PREX1: variants seen among roughly 807,000 people sequenced by gnomAD.
PREX1 encodes the protein phosphatidylinositol-3,4,5-trisphosphate dependent Rac exchange factor 1.
A neutral mutation model predicts 198.3 loss-of-function variants in PREX1; 41 were observed. The ratio of observed to expected loss-of-function variants is 0.21; its 90% CI spans 0.16 to 0.27. PREX1 has a LOEUF of 0.27. PREX1 is among the 10% of genes least tolerant of loss of function. The pLI is 1.00. For synonymous variants in PREX1, 843 were observed against 887.2 expected (o/e 0.95, Z 0.89); for missense variants, 1,620 against 2,200.7 (o/e 0.74, Z 5.28).
rs1361909251 is a variant in PREX1 at position 48,658,174 on chromosome 20, C to T, written c.1936G>A (p.Val646Met). 1 of 1,614,224 alleles carries T rather than the reference C, an allele frequency of 6.2e-7. No individual in the cohort carries two copies. Among genetic ancestry groups the T allele is most frequent in the Non-Finnish European group, 8.5e-7 (1 of 1,180,020 alleles). ...CCCCTCTGGACGGACTTCACCACCACAGCCTTGTTCTTCTCCTCGATGTCA... is the reference window on the plus strand; with the variant it reads ...CCCCTCTGGACGGACTTCACCACCATAGCCTTGTTCTTCTCCTCGATGTCA... The part of the protein sequence containing the change: ...GFDIEEKNKA[V>M]VVKSVQRGSL... Residue 646 changes from valine to methionine, a missense_variant, in exon 17 of 40, where the codon GTG becomes ATG. Coordinates refer to ENST00000371941, the MANE Select transcript of PREX1 (RefSeq NM_020820.4).
At chr20:48,822,372 G>A (rs1057366278) in intron 1 of PREX1, among the ~76,000 whole-genome samples, 17 of 152,202 alleles carry the variant, frequency 1.1e-4, no homozygotes, top group African/African-American at 3.9e-4. Flanking sequence ...CCATGCAGCC[G>A]CATTACCTGG....
chr20:48,759,415 T>C (rs529531410), intron 1 of PREX1, among the ~76,000 whole-genome samples: 1 of 151,906 alleles, frequency 6.6e-6, no homozygotes, highest in African/African-American at 2.4e-5. Flanking sequence ...CCAGCCATGG[T>C]GGCTCACATC....
At chr20:48,766,481 C>T (rs1051714746) in intron 1 of PREX1, among the ~76,000 whole-genome samples, 1 of 152,210 alleles carries the variant, frequency 6.6e-6, no homozygotes, top group Non-Finnish European at 1.5e-5. Flanking sequence ...GCAGCCAGAC[C>T]GGCCTCCAGG....
chr20:48,637,715 G>C lies in PREX1; in HGVS notation c.3942C>G (p.Cys1314Trp), dbSNP rs769138464. Reference protein sequence around the residue: ...KNQLLLALLKCTDTELQLRRD... With the variant: ...KNQLLLALLKWTDTELQLRRD... ...ACACACCTTTAAAGGCCTCACCTGT[G>C]CACTTCAGCAAGGCCAGGAGCAGCT... The change falls in exon 31 of 40, where the codon TGC becomes TGG. Residue 1314 changes from cysteine (C) to tryptophan (W), a missense_variant. Transcript: ENST00000371941. 3 of 1,611,454 alleles carry C rather than the reference G, an allele frequency of 1.9e-6. No homozygotes were observed. Among genetic ancestry groups the C allele is most frequent in the Non-Finnish European group, 2.5e-6 (3 of 1,179,092 alleles).
the PREX1 span, among the ~76,000 whole-genome samples, chr20:48,841,738 G>A: frequency 6.6e-6 from 1 of 152,214 alleles, no homozygotes; most frequent in African/African-American, 2.4e-5. Flanking sequence ...AACCAGCGGA[G>A]TACAGAGTAT....
intron 37 of PREX1, 35 bp from the exon 38 acceptor site, chr20:48,627,998 TGGGGGGACAGGGGTCGG>T: frequency 2.1e-6 from 2 of 950,496 alleles, no homozygotes; most frequent in Non-Finnish European, 3.1e-6. Flanking sequence ...GGGTTGGCGG[TGGGGGGACAGGGGTCGG>T]GGGAGGACAG....
intron 1 of PREX1, among the ~76,000 whole-genome samples, chr20:48,815,830 C>T (rs938327063): frequency 9.9e-5 from 15 of 151,994 alleles, no homozygotes; most frequent in Admixed American, 9.8e-4. Context: ...GCCAATGTGG[C>T]GAAACCCTGT....
chr20:48,670,676 C>T (rs1197399479), intron 14 of PREX1, among the ~76,000 whole-genome samples: 1 of 152,246 alleles, frequency 6.6e-6, no homozygotes, highest in East Asian at 1.9e-4. Flanking sequence ...TTTCCTCATC[C>T]ATATTTTTAT....
In PREX1 at chr20:48,726,373, C is replaced by A. The variant is rs923310799; in HGVS notation, c.538G>T (p.Gly180Cys). The A allele has an allele frequency of 6.2e-7, 1 of 1,613,148 alleles. No individual in the cohort carries two copies. Among genetic ancestry groups the A allele is most frequent in the Non-Finnish European group, 8.5e-7 (1 of 1,179,678 alleles). ...AAAGGGATGTCCGTGGTCTTCCGGC[C>A]TCCCAGAAGCATGCAGCTCTGCAAA... ...AFLLSCMLLG[G>C]RKTTDIPLEG... The change falls in exon 5 of 40, where the codon GGC becomes TGC. Residue 180 changes from glycine (G) to cysteine (C), a missense_variant. Coordinates refer to ENST00000371941, the MANE Select transcript of PREX1 (RefSeq NM_020820.4).
At chr20:48,805,312 C>A (rs908385722) in intron 1 of PREX1, among the ~76,000 whole-genome samples, 1 of 152,232 alleles carries the variant, frequency 6.6e-6, no homozygotes, top group Non-Finnish European at 1.5e-5. Flanking sequence ...AGATAAGAAA[C>A]TGAGGCTCAG....
intron 3 of PREX1, among the ~76,000 whole-genome samples, chr20:48,741,738 C>T (rs1162339556): frequency 6.6e-6 from 1 of 152,154 alleles, no homozygotes; most frequent in Non-Finnish European, 1.5e-5. Context: ...AACAGGAGGG[C>T]ATGGAGGCCT....
At chr20:48,644,325 G>A (rs2089435616) in intron 27 of PREX1, 84 bp downstream of exon 27, 11 of 1,158,576 alleles carry the variant, frequency 9.5e-6, no homozygotes, top group Non-Finnish European at 1.1e-5. Context: ...TAATGCAGAG[G>A]AAAGTATAAT....
chr20:48,735,066 C>T (rs1601103786), intron 3 of PREX1, among the ~76,000 whole-genome samples: 4 of 152,264 alleles, frequency 2.6e-5, no homozygotes, highest in Admixed American at 2.6e-4. Flanking sequence ...CTCTGTTGAC[C>T]TCCAGATGCC....
At chr20:48,630,899 GACTCTCA>G in intron 35 of PREX1, 105 bp from the exon 36 acceptor site, 1 of 829,892 alleles carries the variant, frequency 1.2e-6, no homozygotes, top group African/African-American at 1.7e-5. Context: ...GCCCTCTGCC[GACTCTCA>G]GAATGAAATC....
chr20:48,847,386 A>AAAAAAAAAAAAAC, the PREX1 span, among the ~76,000 whole-genome samples: 1 of 145,450 alleles, frequency 6.9e-6, no homozygotes, highest in Non-Finnish European at 1.5e-5. Context: ...AAAAAAAAAC[A>AAAAAAAAAAAAAC]AACCCTCCCC....
chr20:48,828,327 C>A (rs556786348), upstream of PREX1, among the ~76,000 whole-genome samples: 3 of 152,126 alleles, frequency 2.0e-5, no homozygotes, highest in Non-Finnish European at 4.4e-5. Context: ...GGCGCCCCCC[C>A]AACCCGCAGT....
chr20:48,630,599 C>G, intron 36 of PREX1, 129 bp downstream of exon 36: 2 of 703,214 alleles, frequency 2.8e-6, no homozygotes, highest in South Asian at 2.2e-5. Context: ...GGAGGAGAGA[C>G]TGCAGGGTCT....
At chr20:48,830,406 T>C (rs1357124521), upstream of PREX1, among the ~76,000 whole-genome samples, 1 of 152,206 alleles carries the variant, frequency 6.6e-6, no homozygotes, top group African/African-American at 2.4e-5. Flanking sequence ...CAGATATCCC[T>C]GGGGACAGAA....
intron 1 of PREX1, among the ~76,000 whole-genome samples, chr20:48,761,667 GC>G (rs1376402522): frequency 2.6e-5 from 4 of 152,166 alleles, no homozygotes; most frequent in Non-Finnish European, 5.9e-5. Context: ...TCTTCACGCA[GC>G]CCCCATCAAG....
Sources: allele counts gnomAD v4.1 joint callset (sites outside exome capture counted in the v4.1 genomes callset), GRCh38; gene constraint gnomAD v4.1.1; transcripts MANE v1.5; gene names NCBI Gene and HGNC (gene_info 2026-07-23, HGNC 2026-07-21).